The following TTC39C variants were observed in gnomAD, a reference collection of about 807,000 sequenced individuals.
TTC39C encodes tetratricopeptide repeat protein 39C.
TTC39C carries 33 observed loss-of-function variants against 76.3 expected under a neutral mutation model. That is an observed-to-expected ratio of 0.43 (90% CI 0.33 to 0.58). The LOEUF (loss-of-function observed/expected upper bound fraction) is 0.58. TTC39C is among the 20% of genes least tolerant of loss of function. The pLI is 0.04. For synonymous variants in TTC39C, 254 were observed against 260.6 expected (o/e 0.97, Z 0.24); for missense variants, 595 against 701.4 (o/e 0.85, Z 1.71).
At position 24,108,950 on chromosome 18, in the gene TTC39C, A is replaced by G. The variant is rs150717740; in HGVS notation, c.985-5604A>G. 1.6e-4 allele frequency among the ~76,000 whole-genome samples: 24 copies of G among 152,340 alleles called. No homozygotes were observed. In the East Asian group the frequency reaches 4.4e-3, roughly 28 times the overall value. On this transcript the variant is annotated intron_variant, in intron 6 of 13. Coordinates refer to ENST00000317571, the MANE Select transcript of TTC39C (RefSeq NM_001135993.2). ...TATATGTTCAGAATGTTGGAAAACA[A>G]TATTGTGGATTATTTCCCACCACTA... is the stretch of plus-strand genomic sequence containing the variant.
intron 1 of TTC39C, among the ~76,000 whole-genome samples, chr18:24,045,998 G>A (rs1479176844): frequency 7.6e-6 from 1 of 132,210 alleles, no homozygotes; most frequent in Non-Finnish European, 1.5e-5. Context: ...GAGTGCGACG[G>A]CACAATCTCT....
intron 6 of TTC39C, among the ~76,000 whole-genome samples, chr18:24,103,320 G>T (rs2084702054): frequency 1.3e-5 from 2 of 152,306 alleles, no homozygotes; most frequent in South Asian, 4.1e-4. Flanking sequence ...ATCAGTTGGA[G>T]ATCTGTGTCT....
At chr18:24,131,768 C>T (rs941219706) in intron 12 of TTC39C, 114 bp from the exon 13 acceptor site, 4 of 767,816 alleles carry the variant, frequency 5.2e-6, no homozygotes, top group Non-Finnish European at 8.5e-6. Flanking sequence ...GAACAGTTGA[C>T]TCATTGCTAT....
Position 24,014,782 on chromosome 18 carries a change from C to T in TTC39C, c.-90C>T. ...CTCCCCTCCCGGCTCCGCTTGGCTC[C>T]GGGCAGGTAGAGCCGGGCTCCGGGC... On this transcript the variant is annotated 5_prime_UTR_variant, in exon 1 of 14. Coordinates refer to ENST00000317571, the MANE Select transcript of TTC39C (RefSeq NM_001135993.2). 1.7e-6 allele frequency: 2 copies of T among 1,176,092 alleles called. No individual in the cohort carries two copies. Among genetic ancestry groups the T allele is most frequent in the African/African-American group, 1.6e-5 (1 of 61,758 alleles). 72.9% of individuals were successfully genotyped at this position (1,176,092 alleles called of 1,614,324 possible).
chr18:24,051,073 A>C (rs1224185403), intron 1 of TTC39C, among the ~76,000 whole-genome samples: 2 of 152,090 alleles, frequency 1.3e-5, no homozygotes, highest in Admixed American at 1.3e-4. Context: ...TATTGTTTTT[A>C]GGGTACCTCT....
intron 1 of TTC39C, among the ~76,000 whole-genome samples, chr18:24,058,862 T>C (rs2084052716): frequency 1.3e-5 from 2 of 152,202 alleles, no homozygotes; most frequent in South Asian, 4.1e-4. Flanking sequence ...TGGATTTCCC[T>C]GATAACTAAT....
chr18:24,049,908 TAC>T (rs2083927582), intron 1 of TTC39C, among the ~76,000 whole-genome samples: 1 of 152,262 alleles, frequency 6.6e-6, no homozygotes, highest in African/African-American at 2.4e-5. Context: ...AATATCCTCT[TAC>T]TAAATAGTCT....
chr18:24,020,188 C>T (rs1461858184), intron 1 of TTC39C: 6 of 1,156,218 alleles, frequency 5.2e-6, no homozygotes, highest in African/African-American at 1.6e-5. Context: ...TGACTTTTTC[C>T]ATCCTCTTCA....
intron 6 of TTC39C, among the ~76,000 whole-genome samples, chr18:24,091,871 C>T (rs975849130): frequency 4.0e-5 from 6 of 151,712 alleles, no homozygotes; most frequent in East Asian, 3.9e-4. Context: ...GGACAGATCA[C>T]GAGGTCAGGA....
intron 6 of TTC39C, 126 bp downstream of exon 6, chr18:24,083,207 C>T: frequency 9.9e-7 from 1 of 1,011,786 alleles, no homozygotes; most frequent in Non-Finnish European, 1.4e-6. Flanking sequence ...GTTCTTTTGC[C>T]TTTCCTTGTG....
In TTC39C at chr18:24,123,919, G is replaced by A. The variant is rs756024296; in HGVS notation, c.1272G>A (p.Gln424=). ...AACTCTTCAAAAGGAAAAACAATCA[G>A]ATTGAACAGTTCTCGGTGAAAAAGG... The part of the protein sequence containing the change: ...VQKLFKRKNN[Q]IEQFSVKKAE... Residue 424 remains glutamine, a synonymous_variant, in exon 9 of 14, where the codon CAG becomes CAA. Transcript: ENST00000317571. 6.2e-6 allele frequency: 10 copies of A among 1,612,890 alleles called. No individual in the cohort carries two copies. The South Asian group carries it at 9.9e-5, about 16-fold the overall frequency.
At chr18:24,087,582 G>GGTTTTTTTTTGT (rs2084457889) in intron 6 of TTC39C, among the ~76,000 whole-genome samples, 2 of 124,202 alleles carry the variant, frequency 1.6e-5, no homozygotes, top group Non-Finnish European at 1.8e-5. Context: ...TTTGAGAACT[G>GGTTTTTTTTTGT]TTTTTTTTTT....
chr18:24,080,477 TTTTACA>T, intron 4 of TTC39C, 102 bp from the exon 5 acceptor site: 1 of 795,656 alleles, frequency 1.3e-6, no homozygotes, highest in Non-Finnish European at 2.0e-6. Context: ...TTTTTATGTT[TTTTACA>T]TTTTTGGCTT....
chr18:24,024,165 A>T (rs1424220716), intron 1 of TTC39C, among the ~76,000 whole-genome samples: 2 of 149,492 alleles, frequency 1.3e-5, no homozygotes, highest in Non-Finnish European at 3.0e-5. Context: ...GGTGTGTACC[A>T]CCACGCCAGG....
At chr18:24,050,643 G>C (rs1001229024) in intron 1 of TTC39C, among the ~76,000 whole-genome samples, 118 of 151,722 alleles carry the variant, frequency 7.8e-4, no homozygotes, top group African/African-American at 2.8e-3. Context: ...AGGCTGAGGA[G>C]GGTGGATCAC....
At chr18:24,079,858 G>A (rs967053783) in intron 4 of TTC39C, among the ~76,000 whole-genome samples, 1 of 145,452 alleles carries the variant, frequency 6.9e-6, no homozygotes, top group South Asian at 2.1e-4. Context: ...CTGGCATGCC[G>A]TGGCACAGTT....
chr18:24,004,768 G>A lies in TTC39C; in HGVS notation c.-17+11730G>A, dbSNP rs187732634. Among the ~76,000 whole-genome samples, 543 of 152,082 alleles carry A rather than the reference G, an allele frequency of 3.6e-3. 2 individuals are homozygous for A. The highest frequency in any genetic ancestry group is 6.0e-3 in the Non-Finnish European group (406 of 67,990). On this transcript the variant is annotated intron_variant, in intron 1 of 13. Transcript: ENST00000304621. ...TCCACTGTGCTTTCACTCATTTTTC[G>A]TGCAATATTTCTCAAACATATACTA...
At chr18:24,022,174 G>A (rs530409816) in intron 1 of TTC39C, among the ~76,000 whole-genome samples, 6 of 152,188 alleles carry the variant, frequency 3.9e-5, no homozygotes, top group Non-Finnish European at 8.8e-5. Context: ...AGGGATTTGA[G>A]CATCCACAGA....
upstream of TTC39C, chr18:24,012,850 A>AACACACACAC (rs143178761): frequency 0.035 from 5,021 of 145,464 alleles, 114 homozygotes; most frequent in African/African-American, 0.049. Flanking sequence ...TGCCCATCAA[A>AACACACACAC]ACACACACAC....
Sources: allele counts gnomAD v4.1 joint callset (sites outside exome capture counted in the v4.1 genomes callset), GRCh38; gene constraint gnomAD v4.1.1; transcripts MANE v1.5; gene names NCBI Gene and HGNC (gene_info 2026-07-23, HGNC 2026-07-21).